Variants in TNR observed in about 807,000 individuals in gnomAD.
TNR encodes the protein tenascin-R.
A neutral mutation model predicts 150.4 loss-of-function variants in TNR; 45 were observed. That is an observed-to-expected ratio of 0.30 (90% confidence interval 0.24 to 0.38). The LOEUF is 0.38. Among genes scored for constraint, TNR ranks in the 10% least tolerant of loss-of-function variants. The pLI, the probability that TNR is intolerant of heterozygous loss-of-function variation, is 1.00. For missense variants in TNR, 1,544 were observed against 1,759.1 expected (o/e 0.88, Z 2.19); for synonymous variants, 687 against 678.4 (o/e 1.01, Z -0.20).
intron 2 of TNR, among the ~76,000 whole-genome samples, chr1:175,461,782 T>TAC (rs10673738): frequency 0.73 from 110,415 of 151,904 alleles, 41,141 homozygotes; most frequent in African/African-American, 0.91. Flanking sequence ...TCCTTATTTC[T>TAC]AGATTATTTT....
At chr1:175,719,303 G>A (rs1438950729) in intron 1 of TNR, among the ~76,000 whole-genome samples, 1 of 152,184 alleles carries the variant, frequency 6.6e-6, no homozygotes, top group Admixed American at 6.5e-5. Flanking sequence ...GGCTACTGTG[G>A]CTTAGCAGAG....
At chr1:175,331,054 T>TTTCTTTCTTTCC (rs1557867679) in intron 20 of TNR, among the ~76,000 whole-genome samples, 15 of 105,720 alleles carry the variant, frequency 1.4e-4, no homozygotes, top group Admixed American at 6.1e-4. Context: ...TCTTTCTTTC[T>TTTCTTTCTTTCC]TTCTTTCTTT....
intron 5 of TNR, among the ~76,000 whole-genome samples, chr1:175,394,855 T>C (rs1653349989): frequency 6.6e-6 from 1 of 152,164 alleles, no homozygotes; most frequent in South Asian, 2.1e-4. Flanking sequence ...ATGCCCTGAA[T>C]TGGCATAATA....
intron 15 of TNR, 99 bp from the exon 16 acceptor site, chr1:175,356,561 G>T (rs1051233265): frequency 2.1e-6 from 3 of 1,447,174 alleles, no homozygotes; most frequent in Non-Finnish European, 1.9e-6. Context: ...TACTACTAGA[G>T]AATTTTGGAA....
At chr1:175,540,136 A>ACTT (rs1660445822) in intron 1 of TNR, among the ~76,000 whole-genome samples, 1 of 152,222 alleles carries the variant, frequency 6.6e-6, no homozygotes, top group South Asian at 2.1e-4. Flanking sequence ...TTTTGTAGTC[A>ACTT]AACCACATTA....
At chr1:175,433,861 C>A (rs1160096690) in intron 2 of TNR, among the ~76,000 whole-genome samples, 1 of 152,214 alleles carries the variant, frequency 6.6e-6, no homozygotes, top group Non-Finnish European at 1.5e-5. Context: ...TCCATTGCGT[C>A]ACGGAGACCA....
intron 1 of TNR, among the ~76,000 whole-genome samples, chr1:175,708,736 C>A (rs141378298): frequency 1.1e-4 from 16 of 152,252 alleles, no homozygotes; most frequent in Middle Eastern, 3.4e-3. Flanking sequence ...ACACTTCGGG[C>A]CTTAAGAAGG....
intron 2 of TNR, among the ~76,000 whole-genome samples, chr1:175,499,907 C>T (rs1170672111): frequency 6.6e-6 from 1 of 152,158 alleles, no homozygotes; most frequent in Non-Finnish European, 1.5e-5. Flanking sequence ...GTTTGACAAG[C>T]ACAAGTCATG....
intron 14 of TNR, among the ~76,000 whole-genome samples, chr1:175,361,465 G>A (rs766292865): frequency 3.9e-5 from 6 of 152,186 alleles, no homozygotes; most frequent in African/African-American, 1.4e-4. Context: ...CTGAATGGCT[G>A]TGTTATCTGT....
chr1:175,621,138 C>T (rs191827404), intron 1 of TNR, among the ~76,000 whole-genome samples: 25 of 152,280 alleles, frequency 1.6e-4, no homozygotes, highest in African/African-American at 5.1e-4. Context: ...TCCAGCTGAC[C>T]GCTCTGTTCT....
chr1:175,427,644 TGAG>T (rs1655052008), intron 2 of TNR, among the ~76,000 whole-genome samples: 1 of 151,736 alleles, frequency 6.6e-6, no homozygotes, highest in Non-Finnish European at 1.5e-5. Context: ...TACAGGTATA[TGAG>T]AAGTGTTTTG....
chr1:175,325,909 C>T (rs887031066), intron 21 of TNR, among the ~76,000 whole-genome samples: 3 of 151,986 alleles, frequency 2.0e-5, no homozygotes, highest in Non-Finnish European at 4.4e-5. Context: ...AGGAGATATA[C>T]CTAATGTAAA....
chr1:175,463,412 C>T (rs1167073127), intron 2 of TNR, among the ~76,000 whole-genome samples: 1 of 152,208 alleles, frequency 6.6e-6, no homozygotes, highest in Non-Finnish European at 1.5e-5. Flanking sequence ...TGGGCAAAGT[C>T]AGTTTATTTA....
At chr1:175,438,538 G>A (rs1655623812) in intron 2 of TNR, among the ~76,000 whole-genome samples, 1 of 152,200 alleles carries the variant, frequency 6.6e-6, no homozygotes, top group South Asian at 2.1e-4. Context: ...GGGCAATCAG[G>A]CAGGAGAAGG....
intron 19 of TNR, among the ~76,000 whole-genome samples, chr1:175,336,414 T>A (rs116465296): frequency 2.7e-3 from 414 of 152,302 alleles, no homozygotes; most frequent in African/African-American, 9.5e-3. Context: ...TATGAGCACA[T>A]CACCATTCAA....
intron 13 of TNR, 70 bp downstream of exon 13, chr1:175,363,638 G>T: frequency 6.4e-7 from 1 of 1,557,540 alleles, no homozygotes; most frequent in Non-Finnish European, 8.7e-7. Flanking sequence ...ATGTTCTGCG[G>T]GATATGCTAG....
intron 15 of TNR, among the ~76,000 whole-genome samples, chr1:175,358,638 CT>C (rs2102008291): frequency 6.6e-6 from 1 of 152,290 alleles, no homozygotes; most frequent in African/African-American, 2.4e-5. Context: ...CAAAACAATT[CT>C]GTGATCACAT....
chr1:175,528,715 C>T (rs1483959407), intron 1 of TNR, among the ~76,000 whole-genome samples: 2 of 152,090 alleles, frequency 1.3e-5, no homozygotes, highest in Non-Finnish European at 2.9e-5. Flanking sequence ...AAATGCTTGA[C>T]ACTCCCTCCA....
chr1:175,421,590 G>A (rs992763120), intron 2 of TNR, among the ~76,000 whole-genome samples: 13 of 152,170 alleles, frequency 8.5e-5, no homozygotes, highest in Non-Finnish European at 2.9e-5. Context: ...ACCTTCATTA[G>A]TCTAGACCCA....
Sources: allele counts gnomAD v4.1 joint callset (sites outside exome capture counted in the v4.1 genomes callset), GRCh38; gene constraint gnomAD v4.1.1; transcripts MANE v1.5; gene names NCBI Gene and HGNC (gene_info 2026-07-23, HGNC 2026-07-21).